Variants in CAMKMT observed in about 807,000 individuals in gnomAD.
The protein encoded by CAMKMT is CaM KMT.
CAMKMT carries 53 observed loss-of-function variants against 48.0 expected under a neutral mutation model. That is an observed-to-expected ratio of 1.10 (90% CI 0.89 to 1.39). CAMKMT has a LOEUF of 1.39. Among genes scored for constraint, CAMKMT ranks in the 40% most tolerant of loss-of-function variants. CAMKMT has a pLI of 0.00. For missense variants in CAMKMT, 428 were observed against 402.7 expected, an observed-to-expected ratio of 1.06 and a Z score of -0.54; for synonymous variants, 165 against 152.3, an observed-to-expected ratio of 1.08 and a Z score of -0.61.
chr2:44,522,627 C>G (rs1173873080), intron 3 of CAMKMT, among the ~76,000 whole-genome samples: 1 of 152,196 alleles, frequency 6.6e-6, no homozygotes, highest in Non-Finnish European at 1.5e-5. Flanking sequence ...TACAGCCACA[C>G]TCTGAGATGC....
At chr2:44,577,419 G>A (rs1256838597) in intron 3 of CAMKMT, among the ~76,000 whole-genome samples, 1 of 152,094 alleles carries the variant, frequency 6.6e-6, no homozygotes, top group South Asian at 2.1e-4. Context: ...AGGCATTAGA[G>A]ACCAGCCTAG....
intron 3 of CAMKMT, among the ~76,000 whole-genome samples, chr2:44,425,620 T>C (rs1356351904): frequency 6.6e-6 from 1 of 152,220 alleles, no homozygotes; most frequent in African/African-American, 2.4e-5. Flanking sequence ...TAATTGATGT[T>C]ACATTTTTCA....
intron 3 of CAMKMT, among the ~76,000 whole-genome samples, chr2:44,431,063 T>A (rs1684619915): frequency 1.3e-5 from 2 of 152,212 alleles, no homozygotes; most frequent in African/African-American, 2.4e-5. Context: ...AATATGCAGG[T>A]GGCATTGATT....
At chr2:44,382,548 C>T (rs1417995275) in intron 2 of CAMKMT, among the ~76,000 whole-genome samples, 2 of 151,310 alleles carry the variant, frequency 1.3e-5, no homozygotes, top group Non-Finnish European at 3.0e-5. Context: ...GCGCGATCTC[C>T]ACTCACTGCA....
intron 3 of CAMKMT, among the ~76,000 whole-genome samples, chr2:44,480,561 G>T (rs1327304595): frequency 1.3e-5 from 2 of 152,094 alleles, no homozygotes; most frequent in Non-Finnish European, 2.9e-5. Context: ...TAATTATCCA[G>T]AAACTGTATT....
intron 3 of CAMKMT, among the ~76,000 whole-genome samples, chr2:44,463,849 C>G (rs1667971403): frequency 6.6e-6 from 1 of 152,202 alleles, no homozygotes; most frequent in Non-Finnish European, 1.5e-5. Context: ...TGGTGAAGGT[C>G]TTCCCCTATA....
rs139240390 is a variant in CAMKMT, at chr2:44,654,603, C to T, written c.377-49680C>T. 3.6e-3 allele frequency among the ~76,000 whole-genome samples: 546 copies of T among 152,292 alleles called. 6 individuals are homozygous for T. The highest frequency in any genetic ancestry group is 0.012 in the African/African-American group (518 of 41,560). ...TCTTGGCTCACTGCAACCTCCACCT[C>T]CTGGGTTCAAGCAGTTCTTGTGTCT... is the stretch of plus-strand genomic sequence containing the variant. On this transcript the variant is annotated intron_variant, in intron 3 of 10. Transcript: ENST00000378494.
intron 3 of CAMKMT, among the ~76,000 whole-genome samples, chr2:44,616,044 A>G (rs1164039641): frequency 6.6e-6 from 1 of 152,178 alleles, no homozygotes; most frequent in Non-Finnish European, 1.5e-5. Context: ...TCAAAAACCC[A>G]GAGGTCAGCC....
chr2:44,632,842 A>G (rs1168682111), intron 3 of CAMKMT, among the ~76,000 whole-genome samples: 1 of 152,166 alleles, frequency 6.6e-6, no homozygotes, highest in African/African-American at 2.4e-5. Context: ...CCTATGCTGA[A>G]TGCTTCCTGC....
chr2:44,534,222 G>A (rs1666641623), intron 3 of CAMKMT, among the ~76,000 whole-genome samples: 1 of 152,054 alleles, frequency 6.6e-6, no homozygotes, highest in Non-Finnish European at 1.5e-5. Context: ...AGATTATAAA[G>A]CAGATATTAC....
At chr2:44,578,385 C>CACATAATTATGCTGCTGCTTT (rs1256331254) in intron 3 of CAMKMT, among the ~76,000 whole-genome samples, 8 of 152,150 alleles carry the variant, frequency 5.3e-5, no homozygotes, top group Non-Finnish European at 1.2e-4. Context: ...ATTTTGCTGT[C>CACATAATTATGCTGCTGCTTT]ACATAATTAT....
intron 3 of CAMKMT, among the ~76,000 whole-genome samples, chr2:44,546,495 C>T (rs1306101323): frequency 6.6e-6 from 1 of 152,170 alleles, no homozygotes; most frequent in African/African-American, 2.4e-5. Flanking sequence ...CCTTTGATTC[C>T]TGACCTGACA....
chr2:44,512,924 T>TATGG (rs1449710762), intron 3 of CAMKMT, among the ~76,000 whole-genome samples: 4 of 152,228 alleles, frequency 2.6e-5, no homozygotes, highest in Non-Finnish European at 5.9e-5. Flanking sequence ...CCCCCATCTG[T>TATGG]ATGGATGAAG....
chr2:44,628,370 G>T (rs549024852), intron 3 of CAMKMT, among the ~76,000 whole-genome samples: 1 of 151,958 alleles, frequency 6.6e-6, no homozygotes, highest in African/African-American at 2.4e-5. Flanking sequence ...TCTATTGTTT[G>T]TCTGTTTTCT....
At chr2:44,643,636 A>G (rs1284917633) in intron 3 of CAMKMT, among the ~76,000 whole-genome samples, 2 of 152,204 alleles carry the variant, frequency 1.3e-5, no homozygotes, top group Non-Finnish European at 2.9e-5. Flanking sequence ...AAATATTTCC[A>G]AAGGAATTTG....
At chr2:44,452,382 A>G (rs1667338882) in intron 3 of CAMKMT, among the ~76,000 whole-genome samples, 2 of 151,990 alleles carry the variant, frequency 1.3e-5, no homozygotes, top group African/African-American at 4.8e-5. Context: ...AAATGCAACC[A>G]TTGCATTTTG....
chr2:44,428,870 G>T (rs556397071), intron 3 of CAMKMT, among the ~76,000 whole-genome samples: 4 of 152,110 alleles, frequency 2.6e-5, no homozygotes. Context: ...CTCAAAGCAC[G>T]GGCAGAAGGC....
chr2:44,549,517 C>T (rs1202453027), intron 3 of CAMKMT: 1 of 693,108 alleles, frequency 1.4e-6, no homozygotes, highest in Admixed American at 2.0e-5. Flanking sequence ...TTGCACCAAC[C>T]TAAAATGTAT....
At chr2:44,398,716 A>G (rs374445567) in intron 3 of CAMKMT, among the ~76,000 whole-genome samples, 17 of 142,956 alleles carry the variant, frequency 1.2e-4, no homozygotes, top group African/African-American at 4.6e-4. Context: ...TAAATCACCC[A>G]AAGAGCTCAA....
Sources: allele counts gnomAD v4.1 joint callset (sites outside exome capture counted in the v4.1 genomes callset), GRCh38; gene constraint gnomAD v4.1.1; transcripts MANE v1.5; gene names NCBI Gene and HGNC (gene_info 2026-07-23, HGNC 2026-07-21).